Variants in NALF1 observed in about 807,000 individuals in gnomAD.
NALF1 encodes family with sequence similarity 155 member A.
NALF1 carries 3 observed loss-of-function variants against 48.4 expected under a neutral mutation model. The ratio of observed to expected loss-of-function variants is 0.06; its 90% CI spans 0.03 to 0.16. NALF1 has a LOEUF of 0.16. NALF1 is among the 10% of genes least tolerant of loss of function. The pLI is 1.00. For missense variants in NALF1, 526 were observed against 571.5 expected (o/e 0.92, Z 0.81); for synonymous variants, 262 against 245.7 (o/e 1.07, Z -0.62).
At chr13:107,285,322 A>C (rs1478456223) in intron 1 of NALF1, among the ~76,000 whole-genome samples, 1 of 152,208 alleles carries the variant, frequency 6.6e-6, no homozygotes, top group South Asian at 2.1e-4. Flanking sequence ...ATTCCCATAC[A>C]ACTTCTGAGG....
chr13:107,474,561 T>G (rs772526046), intron 1 of NALF1, among the ~76,000 whole-genome samples: 1 of 152,150 alleles, frequency 6.6e-6, no homozygotes, highest in Non-Finnish European at 1.5e-5. Flanking sequence ...TAAAATGGGT[T>G]AGAGAAAAAT....
At chr13:107,769,021 A>G (rs1877497720) in intron 1 of NALF1, among the ~76,000 whole-genome samples, 1 of 151,722 alleles carries the variant, frequency 6.6e-6, no homozygotes, top group Non-Finnish European at 1.5e-5. Context: ...AATGGCAATC[A>G]TTAAAAAGTC....
rs187079750 is a variant in NALF1, at chr13:107,804,391, G to A, written c.915+61291C>T. Among the ~76,000 whole-genome samples, 365 of 150,980 alleles carry A rather than the reference G, an allele frequency of 2.4e-3. 1 individual carries two copies. The highest frequency in any genetic ancestry group is 8.6e-3 in the African/African-American group (352 of 40,994). ...TTCCCACTTCCCTTTCCTTGAGGCT[G>A]GAGCTCAGAGGCCATTTTTTTTTTT... On this transcript the variant is annotated intron_variant, in intron 1 of 2. Transcript: ENST00000375915.
At chr13:107,287,791 C>T (rs1390304882) in intron 1 of NALF1, among the ~76,000 whole-genome samples, 2 of 150,090 alleles carry the variant, frequency 1.3e-5, no homozygotes, top group Non-Finnish European at 3.0e-5. Context: ...CCACAACCTC[C>T]ACCTCCCAGG....
At chr13:107,178,627 G>A (rs1878990103) in intron 2 of NALF1, among the ~76,000 whole-genome samples, 1 of 152,096 alleles carries the variant, frequency 6.6e-6, no homozygotes, top group Admixed American at 6.5e-5. Flanking sequence ...TCACTATGGA[G>A]AAAAGTATGG....
At chr13:107,190,870 A>C (rs1355465369) in intron 2 of NALF1, among the ~76,000 whole-genome samples, 1 of 152,230 alleles carries the variant, frequency 6.6e-6, no homozygotes. Context: ...GACATCTCTG[A>C]GAGCAGAAAG....
At chr13:107,352,304 T>G (rs1882892378) in intron 1 of NALF1, among the ~76,000 whole-genome samples, 1 of 152,090 alleles carries the variant, frequency 6.6e-6, no homozygotes, top group African/African-American at 2.4e-5. Context: ...GGAAGTAAGT[T>G]TTTCAGGTTT....
chr13:107,578,407 T>C (rs1878213407), intron 1 of NALF1, among the ~76,000 whole-genome samples: 1 of 152,206 alleles, frequency 6.6e-6, no homozygotes, highest in South Asian at 2.1e-4. Context: ...AACATTCTAA[T>C]AGAGTAATTT....
intron 1 of NALF1, among the ~76,000 whole-genome samples, chr13:107,859,983 C>T (rs1432982696): frequency 2.7e-5 from 4 of 150,398 alleles, no homozygotes; most frequent in Non-Finnish European, 4.4e-5. Context: ...CACTATGTAG[C>T]TTACAATGAT....
rs560446587 is a variant in NALF1, at chr13:107,828,929, G to A, written c.915+36753C>T. Among the ~76,000 whole-genome samples the A allele has an allele frequency of 5.3e-5, 8 of 152,180 alleles. No individual in the cohort carries two copies. In the South Asian group the frequency reaches 1.7e-3, roughly 32 times the overall value. On this transcript the variant is annotated intron_variant, in intron 1 of 2. Transcript: ENST00000375915. ...ATACATGAATCATTACCTGGACAAG[G>A]ACATTTCTCTTTAAGCTATTAGATT...
At chr13:107,662,037 A>T (rs1880745763) in intron 1 of NALF1, among the ~76,000 whole-genome samples, 1 of 152,236 alleles carries the variant, frequency 6.6e-6, no homozygotes, top group Non-Finnish European at 1.5e-5. Flanking sequence ...ATCTTCCTAG[A>T]TTAAAAGAAG....
At chr13:107,344,460 CA>C (rs1882738059) in intron 1 of NALF1, among the ~76,000 whole-genome samples, 1 of 152,090 alleles carries the variant, frequency 6.6e-6, no homozygotes, top group African/African-American at 2.4e-5. Context: ...AAATCAATTT[CA>C]AAAGTACATT....
chr13:107,289,864 T>C (rs1192154927), intron 1 of NALF1, among the ~76,000 whole-genome samples: 2 of 152,124 alleles, frequency 1.3e-5, no homozygotes, highest in African/African-American at 2.4e-5. Context: ...AATAAATGAA[T>C]GGATACGGAA....
Position 107,312,427 on chromosome 13 carries a change from T to G in NALF1, c.916-101672A>C, listed in dbSNP as rs1882065244. On this transcript the variant is annotated intron_variant, in intron 1 of 2. Coordinates refer to ENST00000375915, the MANE Select transcript of NALF1 (RefSeq NM_001080396.3). ...TCACACACCAGGGCCTGTTGTGGGG[T>G]GGGGGAAGGGGGGAGGGATAGCATT... Among the ~76,000 whole-genome samples, 17 of 142,988 alleles carry G rather than the reference T, an allele frequency of 1.2e-4. No individual in the cohort carries two copies. The South Asian group carries it at 1.3e-3, about 11-fold the overall frequency. 93.8% of individuals were successfully genotyped at this position (142,988 alleles called of 152,430 possible). A position where few individuals can be genotyped will look rare whatever the true frequency, so the allele number is the denominator to read the frequency against.
chr13:107,707,131 C>T (rs1307588549), intron 1 of NALF1, among the ~76,000 whole-genome samples: 1 of 151,350 alleles, frequency 6.6e-6, no homozygotes, highest in Non-Finnish European at 1.5e-5. Flanking sequence ...ACCGTTTTAG[C>T]CGGGATGGTC....
intron 2 of NALF1, among the ~76,000 whole-genome samples, chr13:107,193,752 T>A (rs529413737): frequency 5.1e-4 from 78 of 152,134 alleles, no homozygotes; most frequent in African/African-American, 1.8e-3. Context: ...TCTATGAAAA[T>A]TAATGGAAAT....
At chr13:107,627,924 T>C (rs1274450893) in intron 1 of NALF1, among the ~76,000 whole-genome samples, 1 of 152,052 alleles carries the variant, frequency 6.6e-6, no homozygotes, top group Admixed American at 6.6e-5. Context: ...ACTAAAAAAA[T>C]AATAATAAAT....
intron 1 of NALF1, among the ~76,000 whole-genome samples, chr13:107,702,346 A>G (rs1881843301): frequency 6.6e-6 from 1 of 152,188 alleles, no homozygotes; most frequent in African/African-American, 2.4e-5. Flanking sequence ...TTTTATGAAA[A>G]TGTCCCCTAT....
chr13:107,194,046 ATC>A (rs752921874), intron 2 of NALF1, among the ~76,000 whole-genome samples: 2,578 of 119,998 alleles, frequency 0.021, 24 homozygotes, highest in East Asian at 0.031. Context: ...CTATCTATCT[ATC>A]TATCTATCTA....
Sources: gnomAD v4.1 joint callset for allele counts (sites outside exome capture counted in the v4.1 genomes callset) on GRCh38, gnomAD v4.1.1 for gene constraint, MANE v1.5 for transcripts, NCBI Gene and HGNC (gene_info 2026-07-23, HGNC 2026-07-21) for gene names.